HSPB2: variants seen among roughly 807,000 people sequenced by gnomAD.
HSPB2 encodes the protein heat shock protein family B (small) member 2.
A neutral mutation model predicts 14.1 loss-of-function variants in HSPB2; 14 were observed. The observed-to-expected ratio is 0.99, with a 90% CI of 0.66 to 1.55. The LOEUF (loss-of-function observed/expected upper bound fraction) is 1.55. HSPB2 is among the 40% of genes most tolerant of loss of function. HSPB2 has a pLI of 0.00. For missense variants in HSPB2, 242 were observed against 241.7 expected (o/e 1.00, Z -0.01); for synonymous variants, 110 against 103.4 (o/e 1.06, Z -0.39).
At chr11:111,914,085 TCTCAGGGC>T in exon 2 of HSPB2, 1 of 601,444 alleles carries the variant, frequency 1.7e-6, no homozygotes, top group Non-Finnish European at 2.9e-6. Context: ...TAAACCCAAA[TCTCAGGGC>T]CTTGTTTGTA....
In HSPB2 at chr11:111,913,705, C is replaced by G; in HGVS notation, c.359C>G (p.Thr120Ser). ...TTCGTGTCCCGAGAGTTCTGCCGCA[C>G]CTATGTCCTGCCTGCTGATGTCGAC... ...HGFVSREFCR[T>S]YVLPADVDPW... Residue 120 changes from threonine to serine, a missense_variant, in exon 2 of 2, where the codon ACC (threonine) becomes AGC (serine). By Grantham distance (58) the Thr-to-Ser change is moderately conservative (BLOSUM62 1). Coordinates refer to ENST00000304298, the MANE Select transcript of HSPB2 (RefSeq NM_001541.4). The G allele has an allele frequency of 1.2e-6, 2 of 1,614,182 alleles. No homozygotes were observed. Among genetic ancestry groups the G allele is most frequent in the South Asian group, 2.2e-5 (2 of 91,090 alleles).
In HSPB2 at chr11:111,912,862, G is replaced by A. The variant is rs1005927969; in HGVS notation, c.33G>A (p.Pro11=). The A allele has an allele frequency of 6.2e-6, 10 of 1,608,316 alleles. No homozygotes were observed. The African/African-American group carries it at 1.1e-4, about 17-fold the overall frequency. The change falls in exon 1 of 2, where the codon CCG becomes CCA. Residue 11 remains proline (P), a synonymous_variant. Coordinates refer to ENST00000304298, the MANE Select transcript of HSPB2 (RefSeq NM_001541.4). ...GCCGCTCAGTGCCACATGCCCACCC[G>A]GCCACCGCCGAGTACGAATTTGCCA... MSGRSVPHAH[P]ATAEYEFANP...
chr11:111,913,049 C>T, intron 1 of HSPB2, 126 bp downstream of exon 1: 1 of 701,180 alleles, frequency 1.4e-6, no homozygotes, highest in Non-Finnish European at 2.6e-6. Context: ...AGCCACCCCC[C>T]ACCCCAGACT....
chr11:111,913,230 C>A, intron 1 of HSPB2: 1 of 582,484 alleles, frequency 1.7e-6, no homozygotes. Flanking sequence ...CCTCCTCCTT[C>A]TCCTCCTCCT....
At position 111,913,869 on chromosome 11, in the gene HSPB2, G is replaced by A. The variant is rs1184798851; in HGVS notation, c.523G>A (p.Glu175Lys). Reference protein sequence around the residue: ...LPAPPDPEEEEEAAIVEP With the variant: ...LPAPPDPEEEKEAAIVEP ...TGCGCCTCCTGATCCAGAGGAAGAGGAGGAGGCAGCCATAGTTGAGCCCTG... is the reference window on the plus strand; with the variant it reads ...TGCGCCTCCTGATCCAGAGGAAGAGAAGGAGGCAGCCATAGTTGAGCCCTG... Residue 175 changes from glutamate (E) to lysine (K), a missense_variant, in exon 2 of 2, where the codon GAG becomes AAG. Physicochemically the swap from Glu to Lys is moderately conservative, Grantham distance 56. Transcript: ENST00000304298. The A allele has an allele frequency of 1.2e-6, 2 of 1,611,440 alleles. No individual in the cohort carries two copies. The highest frequency in any genetic ancestry group is 8.5e-7 in the Non-Finnish European group (1 of 1,178,806).
At chr11:111,913,092 C>A in intron 1 of HSPB2, 169 bp downstream of exon 1, 1 of 643,678 alleles carries the variant, frequency 1.6e-6, no homozygotes, top group Non-Finnish European at 2.8e-6. Context: ...AGATCTTTCC[C>A]ATTCCTGCTG....
Position 111,913,063 on chromosome 11 carries a change from C to A in HSPB2, c.94+140C>A, listed in dbSNP as rs559644844. The A allele has an allele frequency of 4.5e-6, 3 of 668,610 alleles. No homozygotes were observed. In the African/African-American group the frequency reaches 5.4e-5, roughly 12 times the overall value. 41.4% of individuals were successfully genotyped at this position (668,610 alleles called of 1,614,324 possible). ...CAGCCACCCCCCACCCCAGACTACC[C>A]CTCATCCCCTCCAAGCAGAGATCTT... On this transcript the variant is annotated intron_variant, in intron 1 of 1. Transcript: ENST00000304298.
At position 111,913,833 on chromosome 11, in the gene HSPB2, T is replaced by C. The variant is rs1965551271; in HGVS notation, c.487T>C (p.Ser163Pro). ...CACAGAGGTCAATGAGGTCTACATC[T>C]CCCTGCTCCCTGCGCCTCCTGATCC... is the stretch of plus-strand genomic sequence containing the variant. ...LDTEVNEVYI[S>P]LLPAPPDPEE... Residue 163 changes from serine to proline, a missense_variant, in exon 2 of 2, where the codon TCC (serine) becomes CCC (proline). Ser to Pro is a moderately conservative substitution (Grantham distance 74). Coordinates refer to ENST00000304298, the MANE Select transcript of HSPB2 (RefSeq NM_001541.4). The C allele has an allele frequency of 2.5e-6, 4 of 1,613,972 alleles. No homozygotes were observed. Among genetic ancestry groups the C allele is most frequent in the Non-Finnish European group, 3.4e-6 (4 of 1,179,984 alleles).
intron 1 of HSPB2, 163 bp downstream of exon 1, chr11:111,913,086 C>T: frequency 1.6e-6 from 1 of 638,238 alleles, no homozygotes. Context: ...AAGCAGAGAT[C>T]TTTCCCATTC....
chr11:111,912,959 C>T (rs1555165800), intron 1 of HSPB2, 36 bp downstream of exon 1: 1 of 1,490,058 alleles, frequency 6.7e-7, no homozygotes, highest in Admixed American at 2.0e-5. Flanking sequence ...CCCCCCACCC[C>T]CACCCCCTGA....
chr11:111,914,024 TG>T lies in HSPB2; in HGVS notation c.*131del. On this transcript the variant is annotated 3_prime_UTR_variant, in exon 2 of 2. Transcript: ENST00000304298. ...GGTGCATGGTCCACAATGTATGGTTTGGTCCCATGGGACATGTCATAGCCTT... is the reference window on the plus strand; with the variant it reads ...GGTGCATGGTCCACAATGTATGGTTTGTCCCATGGGACATGTCATAGCCTT... 1.2e-6 allele frequency: 1 copy of T among 834,924 alleles called. No homozygotes were observed. The highest frequency in any genetic ancestry group is 2.9e-5 in the Admixed American group (1 of 34,638). The allele number at this position is 834,924 out of a possible 1,614,324, so 51.7% of individuals were successfully genotyped here. A position where few individuals can be genotyped will look rare whatever the true frequency, so the allele number is the denominator to read the frequency against.
At position 111,913,789 on chromosome 11, in the gene HSPB2, G is replaced by A. The variant is rs587693757; in HGVS notation, c.443G>A (p.Arg148Gln). Residue 148 changes from arginine to glutamine, a missense_variant, in exon 2 of 2, where the codon CGG becomes CAG. By Grantham distance (43) the Arg-to-Gln change is conservative. Transcript: ENST00000304298. ...GGCATCTTAAACCTGGAAGCACCTC[G>A]GGGTGGCCGACATTTGGACACAGAG... ...HDGILNLEAP[R>Q]GGRHLDTEVN... 8 of 1,614,146 alleles carry A rather than the reference G, an allele frequency of 5.0e-6. No homozygotes were observed. The highest frequency in any genetic ancestry group is 1.1e-5 in the South Asian group (1 of 91,086).
At position 111,913,754 on chromosome 11, in the gene HSPB2, C is replaced by T. The variant is rs1555165906; in HGVS notation, c.408C>T (p.Leu136=). ...ACCCCTGGCGAGTCCGAGCTGCTCT[C>T]TCCCATGATGGCATCTTAAACCTGG... ...DVDPWRVRAA[L]SHDGILNLEA... is the part of the protein sequence containing the mutation. The change falls in exon 2 of 2, where the codon CTC becomes CTT. Residue 136 remains leucine (L), a synonymous_variant. Transcript: ENST00000304298. 6.2e-7 allele frequency: 1 copy of T among 1,614,204 alleles called. No individual in the cohort carries two copies. Among genetic ancestry groups the T allele is most frequent in the South Asian group, 1.1e-5 (1 of 91,082 alleles).
Position 111,914,014 on chromosome 11 carries a change from A to C in HSPB2, c.*119A>C. The C allele has an allele frequency of 1.1e-6, 1 of 899,044 alleles. No homozygotes were observed. Among genetic ancestry groups the C allele is most frequent in the Non-Finnish European group, 1.7e-6 (1 of 604,212 alleles). The allele number at this position is 899,044 out of a possible 1,614,324, so 55.7% of individuals were successfully genotyped here. A position where few individuals can be genotyped will look rare whatever the true frequency, so the allele number is the denominator to read the frequency against. ...GGAAGGGAAAGGTGCATGGTCCACA[A>C]TGTATGGTTTGGTCCCATGGGACAT... On this transcript the variant is annotated 3_prime_UTR_variant, in exon 2 of 2. Transcript: ENST00000304298.
rs782260577 is a variant in HSPB2 at position 111,913,641 on chromosome 11, G to T, written c.295G>T (p.Val99Leu). 9.9e-6 allele frequency: 16 copies of T among 1,614,182 alleles called. No homozygotes were observed. The highest frequency in any genetic ancestry group is 1.7e-5 in the Admixed American group (1 of 60,028). The change falls in exon 2 of 2, where the codon GTG (valine) becomes TTG (leucine). Residue 99 changes from valine (V) to leucine (L), a missense_variant. Coordinates refer to ENST00000304298, the MANE Select transcript of HSPB2 (RefSeq NM_001541.4). ...TVRTVDNLLE[V>L]SARHPQRLDR... ...GAGGACTGTGGATAACCTGCTGGAG[G>T]TGTCTGCCCGGCACCCCCAGCGCCT...
At position 111,913,907 on chromosome 11, in the gene HSPB2, C is replaced by A; in HGVS notation, c.*12C>A. The A allele has an allele frequency of 6.3e-7, 1 of 1,584,704 alleles. No individual in the cohort carries two copies. Among genetic ancestry groups the A allele is most frequent in the Non-Finnish European group, 8.6e-7 (1 of 1,165,508 alleles). On this transcript the variant is annotated 3_prime_UTR_variant, in exon 2 of 2. Transcript: ENST00000304298. ...TAGTTGAGCCCTGATTGCCACAGAC[C>A]CAGCACCCAGCAAATCCCTCTCTAC... is the stretch of plus-strand genomic sequence containing the variant.
intron 1 of HSPB2, chr11:111,913,152 G>A: frequency 1.7e-6 from 1 of 605,758 alleles, no homozygotes. Context: ...CTCTTTGCCG[G>A]CCTGGGTGTG....
Position 111,914,015 on chromosome 11 carries a change from T to C in HSPB2, c.*120T>C. The C allele has an allele frequency of 1.1e-6, 1 of 897,096 alleles. No homozygotes were observed. 55.6% of individuals were successfully genotyped at this position (897,096 alleles called of 1,614,324 possible). A position where few individuals can be genotyped will look rare whatever the true frequency, so the allele number is the denominator to read the frequency against. The stretch of plus-strand genomic sequence containing the variant: ...GAAGGGAAAGGTGCATGGTCCACAA[T>C]GTATGGTTTGGTCCCATGGGACATG... On this transcript the variant is annotated 3_prime_UTR_variant, in exon 2 of 2. Coordinates refer to ENST00000304298, the MANE Select transcript of HSPB2 (RefSeq NM_001541.4).
chr11:111,913,062 C>T (rs1965521513), intron 1 of HSPB2, 139 bp downstream of exon 1: 1 of 667,982 alleles, frequency 1.5e-6, no homozygotes, highest in Non-Finnish European at 2.7e-6. Flanking sequence ...CCCAGACTAC[C>T]CCTCATCCCC....
Sources: gnomAD v4.1 joint callset for allele counts on GRCh38, gnomAD v4.1.1 for gene constraint, MANE v1.5 for transcripts, NCBI Gene and HGNC (gene_info 2026-07-23, HGNC 2026-07-21) for gene names.